Variants in TENM3 observed in about 807,000 individuals in gnomAD.
TENM3 encodes teneurin-3.
TENM3 carries 63 observed loss-of-function variants against 255.1 expected under a neutral mutation model. The ratio of observed to expected loss-of-function variants is 0.25; its 90% CI spans 0.20 to 0.30. The LOEUF is 0.30. Ranked by LOEUF, TENM3 falls within the 10% of genes least tolerant of loss-of-function variation. TENM3 has a pLI of 1.00. For synonymous variants in TENM3, 1,306 were observed against 1,322.3 expected (o/e 0.99, Z 0.27); for missense variants, 2,929 against 3,461.1 (o/e 0.85, Z 3.86).
the TENM3 span, among the ~76,000 whole-genome samples, chr4:181,479,615 C>G: frequency 6.6e-6 from 1 of 151,960 alleles, no homozygotes; most frequent in African/African-American, 2.4e-5. Flanking sequence ...AAAACACACA[C>G]AGAGGAATTA....
At chr4:181,577,686 A>T in the TENM3 span, among the ~76,000 whole-genome samples, 1 of 152,152 alleles carries the variant, frequency 6.6e-6, no homozygotes, top group Non-Finnish European at 1.5e-5. Context: ...TTTCTTCAAG[A>T]TGCCCAAGAC....
At chr4:182,595,348 C>T (rs1242880269) in intron 3 of TENM3, among the ~76,000 whole-genome samples, 1 of 151,896 alleles carries the variant, frequency 6.6e-6, no homozygotes, top group South Asian at 2.1e-4. Flanking sequence ...TCCAATAGCT[C>T]GTAGCATTTT....
chr4:182,718,342 G>T (rs1759377850), intron 13 of TENM3, among the ~76,000 whole-genome samples: 1 of 152,068 alleles, frequency 6.6e-6, no homozygotes, highest in Admixed American at 6.5e-5. Flanking sequence ...GCCACCACCA[G>T]CTCTGAGTTT....
chr4:182,547,438 C>T (rs1255388015), intron 3 of TENM3, among the ~76,000 whole-genome samples: 1 of 152,138 alleles, frequency 6.6e-6, no homozygotes, highest in African/African-American at 2.4e-5. Flanking sequence ...TATACTTTCA[C>T]TTGTATAGTG....
At chr4:181,949,361 A>C in the TENM3 span, among the ~76,000 whole-genome samples, 3 of 152,220 alleles carry the variant, frequency 2.0e-5, no homozygotes, top group African/African-American at 7.2e-5. Context: ...AAGGCAGAAG[A>C]CTAGGGATGG....
At chr4:182,409,039 A>G (rs774209345) in intron 3 of TENM3, among the ~76,000 whole-genome samples, 10 of 152,230 alleles carry the variant, frequency 6.6e-5, no homozygotes, top group African/African-American at 1.4e-4. Context: ...AAATTGCTCC[A>G]TCCATGCTGT....
chr4:181,773,928 C>T, the TENM3 span, among the ~76,000 whole-genome samples: 4 of 148,358 alleles, frequency 2.7e-5, no homozygotes, highest in South Asian at 8.7e-4. Context: ...GCCTCTTTTT[C>T]AAAATTAAAC....
chr4:181,576,904 C>T, the TENM3 span, among the ~76,000 whole-genome samples: 1 of 139,376 alleles, frequency 7.2e-6, no homozygotes, highest in Non-Finnish European at 1.5e-5. Context: ...ACCTCTGCCT[C>T]CCGGGTTCAA....
chr4:181,622,015 AT>A, the TENM3 span, among the ~76,000 whole-genome samples: 1 of 152,184 alleles, frequency 6.6e-6, no homozygotes, highest in Non-Finnish European at 1.5e-5. Flanking sequence ...AAAACCAAGC[AT>A]TTAGCCAGAT....
chr4:182,750,965 A>G (rs1441662837), intron 19 of TENM3, among the ~76,000 whole-genome samples: 1 of 152,216 alleles, frequency 6.6e-6, no homozygotes, highest in African/African-American at 2.4e-5. Context: ...AATTCCAATG[A>G]TACGTCATAA....
At chr4:181,829,189 G>C in the TENM3 span, among the ~76,000 whole-genome samples, 2 of 152,162 alleles carry the variant, frequency 1.3e-5, no homozygotes, top group African/African-American at 4.8e-5. Context: ...AATTATTTCT[G>C]TCTTTACATC....
chr4:182,787,637 G>C (rs1433516918), intron 24 of TENM3, among the ~76,000 whole-genome samples: 1 of 151,126 alleles, frequency 6.6e-6, no homozygotes, highest in Non-Finnish European at 1.5e-5. Flanking sequence ...GGGAGGCTGA[G>C]GCAGGAGAAT....
chr4:182,126,924 A>C, the TENM3 span, among the ~76,000 whole-genome samples: 1 of 152,318 alleles, frequency 6.6e-6, no homozygotes, highest in Non-Finnish European at 1.5e-5. Flanking sequence ...AGCATAGTAC[A>C]TCACATTGCA....
At chr4:182,261,103 T>C (rs1178895468) in intron 1 of TENM3, among the ~76,000 whole-genome samples, 1 of 150,638 alleles carries the variant, frequency 6.6e-6, no homozygotes, top group Admixed American at 6.6e-5. Flanking sequence ...CTCAATCTCT[T>C]GACCTCATGA....
Position 182,425,275 on chromosome 4 carries a change from A to G in TENM3, c.511+78346A>G, listed in dbSNP as rs529357995. Among the ~76,000 whole-genome samples, 6 of 152,304 alleles carry G rather than the reference A, an allele frequency of 3.9e-5. No homozygotes were observed. In the East Asian group the frequency reaches 9.6e-4, roughly 24 times the overall value. ...TATGTTCATTATTTTTATTTCTCCA[A>G]AAAAAGTCAAACAACAACCCAAATT... On this transcript the variant is annotated intron_variant, in intron 3 of 27. Coordinates refer to ENST00000511685, the MANE Select transcript of TENM3 (RefSeq NM_001080477.4).
intron 5 of TENM3, among the ~76,000 whole-genome samples, chr4:182,634,444 A>G (rs1751670799): frequency 6.6e-6 from 1 of 152,120 alleles, no homozygotes; most frequent in Admixed American, 6.6e-5. Flanking sequence ...AGTTTTTAAA[A>G]ATCAAATGTA....
intron 1 of TENM3, among the ~76,000 whole-genome samples, chr4:182,158,123 C>CA (rs1283326336): frequency 6.6e-6 from 1 of 152,144 alleles, no homozygotes; most frequent in Non-Finnish European, 1.5e-5. Context: ...CTAAAGGGCA[C>CA]ACGCTTTCTC....
At chr4:182,236,055 G>C (rs1756885382) in intron 1 of TENM3, among the ~76,000 whole-genome samples, 1 of 152,172 alleles carries the variant, frequency 6.6e-6, no homozygotes, top group Non-Finnish European at 1.5e-5. Context: ...CTGAAGGAAG[G>C]ATTGTTTGGG....
chr4:182,156,864 G>C (rs2149603878), intron 1 of TENM3, among the ~76,000 whole-genome samples: 1 of 152,236 alleles, frequency 6.6e-6, no homozygotes, highest in Admixed American at 6.5e-5. Flanking sequence ...CTGTGTCCTG[G>C]GAAAGATGAG....
Sources: allele counts gnomAD v4.1 joint callset (sites outside exome capture counted in the v4.1 genomes callset), GRCh38; gene constraint gnomAD v4.1.1; transcripts MANE v1.5; gene names NCBI Gene and HGNC (gene_info 2026-07-23, HGNC 2026-07-21).